STEAP1B: variants seen among roughly 807,000 people sequenced by gnomAD.
The protein encoded by STEAP1B is STEAP family member 1B.
STEAP1B carries 13 observed loss-of-function variants against 27.9 expected under a neutral mutation model. That is an observed-to-expected ratio of 0.47 (90% CI 0.30 to 0.74). The LOEUF is 0.74. Ranked by LOEUF, STEAP1B falls within the 30% of genes least tolerant of loss-of-function variation. The probability of loss-of-function intolerance (pLI) is 0.06; values close to 1 mark genes in which losing one functional copy is unlikely to be tolerated. For synonymous variants in STEAP1B, 86 were observed against 107.1 expected, an observed-to-expected ratio of 0.80 and a Z score of 1.22; for missense variants, 250 against 298.7, an observed-to-expected ratio of 0.84 and a Z score of 1.20.
At chr7:22,470,018 A>G (rs564748819) in intron 4 of STEAP1B, among the ~76,000 whole-genome samples, 119 of 152,348 alleles carry the variant, frequency 7.8e-4, no homozygotes, top group African/African-American at 2.6e-3. Flanking sequence ...AAATTATTAC[A>G]TGTACCTATA....
intron 4 of STEAP1B, among the ~76,000 whole-genome samples, chr7:22,463,926 C>G (rs1354515203): frequency 2.6e-5 from 4 of 151,548 alleles, no homozygotes; most frequent in Non-Finnish European, 4.4e-5. Flanking sequence ...ACACCAAAAG[C>G]AATGGCAACA....
chr7:22,420,386 G>A (rs1395529781), intron 4 of STEAP1B, among the ~76,000 whole-genome samples: 1 of 152,200 alleles, frequency 6.6e-6, no homozygotes, highest in African/African-American at 2.4e-5. Flanking sequence ...CCCTTGGATT[G>A]TTGAAGTTTC....
intron 4 of STEAP1B, among the ~76,000 whole-genome samples, chr7:22,461,733 G>T (rs188919264): frequency 1.3e-5 from 2 of 152,182 alleles, no homozygotes; most frequent in African/African-American, 4.8e-5. Flanking sequence ...GCTCTGCTGC[G>T]GTAGTTTGAT....
intron 1 of STEAP1B, among the ~76,000 whole-genome samples, chr7:22,495,909 A>ATACTATACT (rs1255942128): frequency 6.6e-6 from 1 of 152,228 alleles, no homozygotes; most frequent in African/African-American, 2.4e-5. Context: ...AATATTTACA[A>ATACTATACT]TACTATACTT....
At chr7:22,481,281 C>T (rs1786069202) in intron 4 of STEAP1B, among the ~76,000 whole-genome samples, 1 of 152,208 alleles carries the variant, frequency 6.6e-6, no homozygotes, top group Non-Finnish European at 1.5e-5. Context: ...TGGTGAAGAG[C>T]ACAGACCTCT....
chr7:22,449,660 C>T (rs1785456820), intron 4 of STEAP1B, among the ~76,000 whole-genome samples: 1 of 152,306 alleles, frequency 6.6e-6, no homozygotes, highest in Admixed American at 6.5e-5. Flanking sequence ...GGTATATACC[C>T]AGCAGTGGGA....
chr7:22,492,379 G>C (rs2128417651), intron 4 of STEAP1B, 186 bp downstream of exon 4: 1 of 472,796 alleles, frequency 2.1e-6, no homozygotes, highest in African/African-American at 2.2e-5. Flanking sequence ...TTATGTCTAG[G>C]AAACACTTGT....
At chr7:22,467,391 C>T (rs1362141897) in intron 4 of STEAP1B, among the ~76,000 whole-genome samples, 2 of 152,200 alleles carry the variant, frequency 1.3e-5, no homozygotes, top group Non-Finnish European at 2.9e-5. Context: ...ACTGTGAACA[C>T]TGATCCAGCT....
At chr7:22,438,766 A>G in intron 4 of STEAP1B, 1 of 1,543,390 alleles carries the variant, frequency 6.5e-7, no homozygotes, top group Non-Finnish European at 8.7e-7. Context: ...CTAGAAAATG[A>G]AAAGAAATGA....
chr7:22,458,833 G>A (rs564255939), intron 4 of STEAP1B, among the ~76,000 whole-genome samples: 1 of 152,012 alleles, frequency 6.6e-6, no homozygotes, highest in African/African-American at 2.4e-5. Context: ...ATCCTGGAGG[G>A]GATGGGTGGA....
At chr7:22,474,226 C>A (rs894900251) in intron 4 of STEAP1B, among the ~76,000 whole-genome samples, 2 of 152,186 alleles carry the variant, frequency 1.3e-5, no homozygotes, top group African/African-American at 4.8e-5. Context: ...CATTTAACTT[C>A]AGGCCTACAT....
intron 4 of STEAP1B, among the ~76,000 whole-genome samples, chr7:22,421,580 T>C (rs1238233241): frequency 6.6e-6 from 1 of 152,246 alleles, no homozygotes; most frequent in East Asian, 1.9e-4. Flanking sequence ...AGCAGTTCCA[T>C]GGATGTTCTA....
rs547857851 is a variant in STEAP1B, at chr7:22,419,651, G to A, written c.*153C>T. 19 of 786,582 alleles carry A rather than the reference G, an allele frequency of 2.4e-5. No individual in the cohort carries two copies. The African/African-American group carries it at 2.6e-4, about 11-fold the overall frequency. The allele number at this position is 786,582 out of a possible 1,614,324, so 48.7% of individuals were successfully genotyped here. On this transcript the variant is annotated 3_prime_UTR_variant, in exon 5 of 5. Transcript: ENST00000678116. ...GCTGGGGGATCCACTCATCTGCCCTGCCGGATCCATGTTGACAGAGCAGCC... is the reference window on the plus strand; with the variant it reads ...GCTGGGGGATCCACTCATCTGCCCTACCGGATCCATGTTGACAGAGCAGCC...
chr7:22,420,058 G>C (rs932642659), intron 4 of STEAP1B, among the ~76,000 whole-genome samples: 6 of 152,086 alleles, frequency 3.9e-5, no homozygotes, highest in African/African-American at 1.4e-4. Flanking sequence ...ATCTAAAGAA[G>C]ACTACATTGT....
At chr7:22,478,238 A>C (rs1464959797) in intron 4 of STEAP1B, among the ~76,000 whole-genome samples, 1 of 152,214 alleles carries the variant, frequency 6.6e-6, no homozygotes, top group Non-Finnish European at 1.5e-5. Context: ...TTGTTTAAGA[A>C]GTCTGGGGTT....
intron 4 of STEAP1B, among the ~76,000 whole-genome samples, chr7:22,475,057 T>A (rs1027430151): frequency 2.0e-4 from 30 of 152,290 alleles, no homozygotes; most frequent in African/African-American, 7.0e-4. Flanking sequence ...CCTCATAGTA[T>A]CCTCATCTCC....
chr7:22,490,384 A>G (rs1188787036), intron 4 of STEAP1B, among the ~76,000 whole-genome samples: 2 of 152,108 alleles, frequency 1.3e-5, no homozygotes, highest in East Asian at 3.9e-4. Flanking sequence ...GGCCTAGAAT[A>G]TGTCATTTTT....
At chr7:22,436,325 A>G (rs774534160) in intron 4 of STEAP1B, among the ~76,000 whole-genome samples, 1 of 152,240 alleles carries the variant, frequency 6.6e-6, no homozygotes, top group Non-Finnish European at 1.5e-5. Context: ...AATCTGTGCC[A>G]TAAACATCCA....
chr7:22,420,332 G>T (rs1243336370), intron 4 of STEAP1B, among the ~76,000 whole-genome samples: 1 of 152,156 alleles, frequency 6.6e-6, no homozygotes, highest in Non-Finnish European at 1.5e-5. Context: ...CCAGCCTGGG[G>T]GATGATAAAG....
Sources: gnomAD v4.1 joint callset for allele counts (sites outside exome capture counted in the v4.1 genomes callset) on GRCh38, gnomAD v4.1.1 for gene constraint, MANE v1.5 for transcripts, NCBI Gene and HGNC (gene_info 2026-07-23, HGNC 2026-07-21) for gene names.